FLT1: variants seen among roughly 807,000 people sequenced by gnomAD.
FLT1 encodes the protein vascular endothelial growth factor receptor 1.
In FLT1, 49 loss-of-function variants were observed where a neutral mutation model predicts 156.3. The observed-to-expected ratio is 0.31, with a 90% CI of 0.25 to 0.40. FLT1 has a LOEUF of 0.40. Ranked by LOEUF, FLT1 falls within the 10% of genes least tolerant of loss-of-function variation. The pLI is 1.00. For synonymous variants in FLT1, 594 were observed against 583.8 expected (o/e 1.02, Z -0.25); for missense variants, 1,322 against 1,637.2 (o/e 0.81, Z 3.32).
At chr13:28,448,461 C>A (rs2137580761) in intron 3 of FLT1, among the ~76,000 whole-genome samples, 1 of 152,260 alleles carries the variant, frequency 6.6e-6, no homozygotes, top group South Asian at 2.1e-4. Context: ...ATGCATGATA[C>A]ATGAAAGAAC....
At chr13:28,418,133 G>T (rs1268461766) in intron 10 of FLT1, among the ~76,000 whole-genome samples, 1 of 152,176 alleles carries the variant, frequency 6.6e-6, no homozygotes, top group African/African-American at 2.4e-5. Context: ...ATAGGGGAAA[G>T]TGCCACAATA....
intron 12 of FLT1, 76 bp downstream of exon 12, chr13:28,396,884 A>G (rs1875081098): frequency 1.1e-6 from 1 of 876,552 alleles, no homozygotes. Context: ...CAAGCTATAA[A>G]TGCACTAAAA....
chr13:28,428,238 C>A (rs1877465032), intron 8 of FLT1, among the ~76,000 whole-genome samples: 2 of 152,146 alleles, frequency 1.3e-5, no homozygotes, highest in African/African-American at 2.4e-5. Flanking sequence ...GCTCTGATTC[C>A]ATCCGAGATG....
chr13:28,486,755 C>G (rs1461654047), intron 1 of FLT1, among the ~76,000 whole-genome samples: 1 of 152,266 alleles, frequency 6.6e-6, no homozygotes, highest in East Asian at 1.9e-4. Flanking sequence ...CTTGCACACT[C>G]TACTAGCACA....
chr13:28,437,098 T>C (rs1020989806), intron 4 of FLT1, among the ~76,000 whole-genome samples: 2 of 152,214 alleles, frequency 1.3e-5, no homozygotes, highest in Admixed American at 6.5e-5. Flanking sequence ...GCGAAGTTCC[T>C]GACACTCTGG....
At chr13:28,388,541 AAAAG>A in intron 13 of FLT1, 2 of 1,047,542 alleles carry the variant, frequency 1.9e-6, no homozygotes, top group Non-Finnish European at 2.3e-6. Flanking sequence ...AAATTGGTGA[AAAAG>A]TCATTTTCCC....
At chr13:28,395,145 G>GA (rs1184587434) in intron 12 of FLT1, among the ~76,000 whole-genome samples, 7 of 152,176 alleles carry the variant, frequency 4.6e-5, no homozygotes, top group Admixed American at 4.6e-4. Flanking sequence ...GACCTCTCAG[G>GA]TCATCATGAA....
At chr13:28,335,446 A>T (rs1207837160) in intron 17 of FLT1, among the ~76,000 whole-genome samples, 1 of 152,084 alleles carries the variant, frequency 6.6e-6, no homozygotes, top group Non-Finnish European at 1.5e-5. Flanking sequence ...GGGCATTTTT[A>T]AAAAATTTTC....
chr13:28,486,365 T>C (rs748252), intron 1 of FLT1, among the ~76,000 whole-genome samples: 86,667 of 151,982 alleles, frequency 0.57, 25,558 homozygotes, highest in Admixed American at 0.65. Flanking sequence ...CCACCCTGCC[T>C]CCAACAGATA....
chr13:28,329,193 C>T (rs1705356166), intron 19 of FLT1, among the ~76,000 whole-genome samples: 1 of 152,220 alleles, frequency 6.6e-6, no homozygotes, highest in South Asian at 2.1e-4. Context: ...GGTCTATCTG[C>T]ATGGTGGATC....
In FLT1 at chr13:28,302,644, G is replaced by T. The variant is rs1297917502; in HGVS notation, c.*523C>A. ...TGGTGCGTCTCAAATTCTTTCTCAT[G>T]CCTTCTCCCGGTTTCTCTTTTCTCC... On this transcript the variant is annotated 3_prime_UTR_variant, in exon 30 of 30. Transcript: ENST00000282397. The T allele has an allele frequency of 1.3e-5, 3 of 235,392 alleles. No individual in the cohort carries two copies. The highest frequency in any genetic ancestry group is 2.5e-5 in the Non-Finnish European group (3 of 119,702). The allele number at this position is 235,392 out of a possible 1,614,324, so 14.6% of individuals were successfully genotyped here. A position where few individuals can be genotyped will look rare whatever the true frequency, so the allele number is the denominator to read the frequency against.
chr13:28,409,353 C>CT lies in FLT1; in HGVS notation c.1437-3460dup, dbSNP rs60544619. Among the ~76,000 whole-genome samples the CT allele has an allele frequency of 5.0e-3, 720 of 143,162 alleles. 3 individuals are homozygous for CT. Among genetic ancestry groups the CT allele is most frequent in the African/African-American group, 0.011 (418 of 39,236 alleles). The allele number at this position is 143,162 out of a possible 152,430, so 93.9% of individuals were successfully genotyped here. On this transcript the variant is annotated intron_variant, in intron 10 of 29. Transcript: ENST00000282397. ...TCAAACCTACGATCTTTCTTTCTTT[C>CT]TTTTTTTTTTTTTTTCTGTCACCCA...
rs1566280781 is a variant in FLT1, at chr13:28,313,908, A to AAAGAGAG, written c.3387-1811_3387-1810insCTCTCTT. Among the ~76,000 whole-genome samples the AAAGAGAG allele has an allele frequency of 1.4e-5, 2 of 143,704 alleles. 1 individual carries two copies. 94.3% of individuals were successfully genotyped at this position (143,704 alleles called of 152,430 possible). A position where few individuals can be genotyped will look rare whatever the true frequency, so the allele number is the denominator to read the frequency against. On this transcript the variant is annotated intron_variant, in intron 25 of 29. Transcript: ENST00000282397. ...GGAGGTAAAAAAAAAAAAAAAAAAA[A>AAAGAGAG]AGAAGAATCCGGGTGTGGTGGCTCA...
intron 3 of FLT1, among the ~76,000 whole-genome samples, chr13:28,452,505 C>G (rs762330495): frequency 4.6e-5 from 7 of 152,104 alleles, no homozygotes; most frequent in Non-Finnish European, 1.0e-4. Context: ...TGATCTGGTC[C>G]CATCAAGTGA....
At chr13:28,429,954 C>T in intron 8 of FLT1, 96 bp downstream of exon 8, 1 of 870,086 alleles carries the variant, frequency 1.1e-6, no homozygotes, top group South Asian at 1.3e-5. Flanking sequence ...AGGAACGTCT[C>T]TTGGTATTTT....
chr13:28,318,794 GTCTGCAAGCAGATGTGGGC>G (rs1421761066), intron 24 of FLT1, among the ~76,000 whole-genome samples: 1 of 152,238 alleles, frequency 6.6e-6, no homozygotes, highest in African/African-American at 2.4e-5. Flanking sequence ...ATCACTGTGT[GTCTGCAAGCAGATGTGGGC>G]TCTGCACGCA....
At position 28,322,806 on chromosome 13, in the gene FLT1, A is replaced by G. The variant is rs200622656; in HGVS notation, c.2937T>C (p.Asp979=). 1 of 1,614,056 alleles carries G rather than the reference A, an allele frequency of 6.2e-7. No individual in the cohort carries two copies. The highest frequency in any genetic ancestry group is 1.1e-5 in the South Asian group (1 of 91,072). ...SGFQEDKSLS[D]VEEEEDSDGF... Reference sequence around the variant, plus strand: ...AATACCTACCCTCCTCTTCCTCAACATCACTCAGACTTTTATCTTCCTGAA... The same window carrying G: ...AATACCTACCCTCCTCTTCCTCAACGTCACTCAGACTTTTATCTTCCTGAA... Residue 979 remains aspartate, a synonymous_variant, in exon 21 of 30, where the codon GAT becomes GAC. Transcript: ENST00000282397. This position sits in a 1 kb window ranked among gnomAD's most constrained non-coding sequence, Gnocchi z 4.3.
At chr13:28,476,144 C>T (rs543295655) in intron 1 of FLT1, among the ~76,000 whole-genome samples, 150 of 152,266 alleles carry the variant, frequency 9.9e-4, no homozygotes, top group Non-Finnish European at 1.3e-3. Flanking sequence ...CACACACACA[C>T]GCTTGCTGAC....
chr13:28,416,260 C>G (rs1876641315), intron 10 of FLT1, among the ~76,000 whole-genome samples: 1 of 152,228 alleles, frequency 6.6e-6, no homozygotes, highest in Admixed American at 6.5e-5. Context: ...GGCAACAGAG[C>G]CCACGTCCTT....
Sources: gnomAD v4.1 joint callset for allele counts (sites outside exome capture counted in the v4.1 genomes callset) on GRCh38, gnomAD v4.1.1 for gene constraint, Gnocchi (gnomAD v3.1) non-coding constraint, MANE v1.5 for transcripts, NCBI Gene and HGNC (gene_info 2026-07-23, HGNC 2026-07-21) for gene names.